DLG2: variants seen among roughly 807,000 people sequenced by gnomAD.
DLG2 encodes discs large MAGUK scaffold protein 2, also known as disks large homolog 2.
In DLG2, 45 loss-of-function variants were observed where a neutral mutation model predicts 132.5. The observed-to-expected ratio is 0.34, with a 90% CI of 0.27 to 0.44. The LOEUF (loss-of-function observed/expected upper bound fraction) is 0.44. DLG2 is among the 20% of genes least tolerant of loss of function. The pLI, the probability that DLG2 is intolerant of heterozygous loss-of-function variation, is 1.00. For synonymous variants in DLG2, 424 were observed against 419.6 expected (o/e 1.01, Z -0.13); for missense variants, 1,045 against 1,196.9 (o/e 0.87, Z 1.87).
At chr11:84,952,622 G>A (rs1039794027) in intron 6 of DLG2, among the ~76,000 whole-genome samples, 2 of 151,768 alleles carry the variant, frequency 1.3e-5, no homozygotes, top group African/African-American at 4.8e-5. Flanking sequence ...GACACATGCA[G>A]GAATTGTGGC....
At chr11:85,110,343 A>G (rs560587) in intron 6 of DLG2, among the ~76,000 whole-genome samples, 104,943 of 151,754 alleles carry the variant, frequency 0.69, 37,219 homozygotes, top group East Asian at 0.95. Context: ...ACTTGAATCC[A>G]GGAGGTGGAG....
intron 6 of DLG2, among the ~76,000 whole-genome samples, chr11:84,547,942 C>G (rs2099393553): frequency 6.6e-6 from 1 of 152,194 alleles, no homozygotes; most frequent in South Asian, 2.1e-4. Context: ...AAGCCTGTCA[C>G]TATTCTACAG....
intron 7 of DLG2, among the ~76,000 whole-genome samples, chr11:84,475,956 T>C (rs61897710): frequency 3.3e-5 from 5 of 152,028 alleles, no homozygotes; most frequent in African/African-American, 4.8e-5. Context: ...TTAAGTCCGA[T>C]TGTATACATC....
intron 6 of DLG2, among the ~76,000 whole-genome samples, chr11:85,041,066 A>G (rs917247282): frequency 6.6e-6 from 1 of 151,844 alleles, no homozygotes; most frequent in African/African-American, 2.4e-5. Flanking sequence ...CAGGGGTCCA[A>G]TTATGCAAGA....
chr11:83,509,874 A>G (rs905925751), intron 21 of DLG2, among the ~76,000 whole-genome samples: 1 of 152,128 alleles, frequency 6.6e-6, no homozygotes, highest in Admixed American at 6.5e-5. Flanking sequence ...CTCTTCATTC[A>G]TCAGTTATTT....
chr11:84,292,428 C>T lies in DLG2; in HGVS notation c.520-41137G>A, dbSNP rs2154376308. On this transcript the variant is annotated intron_variant, in intron 7 of 27. Transcript: ENST00000376104. ...CTGGGAGTCAGCCTGCCTGCTAGAG[C>T]CTAGCATTCCCTTTTCACTGTAAGA... Among the ~76,000 whole-genome samples, 3 of 152,194 alleles carry T rather than the reference C, an allele frequency of 2.0e-5. No individual in the cohort carries two copies. In the South Asian group the frequency reaches 6.2e-4, roughly 32 times the overall value.
intron 6 of DLG2, among the ~76,000 whole-genome samples, chr11:84,991,459 T>C (rs2057093975): frequency 7.2e-6 from 1 of 138,794 alleles, no homozygotes; most frequent in Admixed American, 7.9e-5. Context: ...CAGTGAGCCA[T>C]GATCACACCA....
At chr11:84,678,193 T>C (rs988660320) in intron 6 of DLG2, among the ~76,000 whole-genome samples, 7 of 152,082 alleles carry the variant, frequency 4.6e-5, no homozygotes, top group African/African-American at 1.7e-4. Flanking sequence ...TTCTCTTCCT[T>C]TCTCTCAGAC....
At chr11:83,523,358 C>T (rs1172151503) in intron 21 of DLG2, among the ~76,000 whole-genome samples, 1 of 152,102 alleles carries the variant, frequency 6.6e-6, no homozygotes, top group Admixed American at 6.5e-5. Flanking sequence ...TATACAACTC[C>T]TATTTATATT....
Position 85,450,854 on chromosome 11 carries a change from C to T in DLG2, c.40+147803G>A, listed in dbSNP as rs141029235. Among the ~76,000 whole-genome samples, 274 of 152,094 alleles carry T rather than the reference C, an allele frequency of 1.8e-3. 1 individual carries two copies. Among genetic ancestry groups the T allele is most frequent in the Middle Eastern group, 0.017 (5 of 292 alleles). On this transcript the variant is annotated intron_variant, in intron 3 of 27. Coordinates refer to ENST00000376104, the MANE Select transcript of DLG2 (RefSeq NM_001142699.3). ...AACTCTATATTCTTTTTGTTTCCTC[C>T]TACCCATGTAGCTTTTTTCTGCCTC...
intron 19 of DLG2, among the ~76,000 whole-genome samples, chr11:83,551,256 C>G (rs1010899093): frequency 6.6e-6 from 1 of 152,004 alleles, no homozygotes; most frequent in Non-Finnish European, 1.5e-5. Flanking sequence ...AAATTTTTTC[C>G]CCTGTAAATT....
rs565266596 is a variant in DLG2 at position 84,891,691 on chromosome 11, G to A, written c.357+219970C>T. 1.4e-4 allele frequency among the ~76,000 whole-genome samples: 22 copies of A among 152,236 alleles called. No homozygotes were observed. In the South Asian group the frequency reaches 4.6e-3, roughly 32 times the overall value. ...TTTATCATGGCAACAAGGGTCATTT[G>A]GGCAGATTCCCATAGTAAAAGATTA... On this transcript the variant is annotated intron_variant, in intron 6 of 27. Coordinates refer to ENST00000376104, the MANE Select transcript of DLG2 (RefSeq NM_001142699.3).
At chr11:84,028,061 A>G (rs77531374) in intron 11 of DLG2, among the ~76,000 whole-genome samples, 4 of 151,908 alleles carry the variant, frequency 2.6e-5, no homozygotes, top group African/African-American at 7.3e-5. Context: ...TTAAAAAAAA[A>G]AAAAACAAAA....
At chr11:83,923,779 T>C (rs541768942) in intron 15 of DLG2, among the ~76,000 whole-genome samples, 2 of 152,274 alleles carry the variant, frequency 1.3e-5, no homozygotes, top group East Asian at 3.9e-4. Context: ...TATAATATAA[T>C]ACTAACTAGT....
chr11:85,566,216 A>G (rs552514750), intron 3 of DLG2, among the ~76,000 whole-genome samples: 5 of 152,282 alleles, frequency 3.3e-5, no homozygotes, highest in Non-Finnish European at 5.9e-5. Context: ...ATGTTAATCC[A>G]TAGAATTCTT....
intron 4 of DLG2, among the ~76,000 whole-genome samples, chr11:85,178,236 A>G (rs1243103010): frequency 1.3e-5 from 2 of 152,036 alleles, no homozygotes; most frequent in Non-Finnish European, 2.9e-5. Flanking sequence ...GTTTTAGAAA[A>G]TACACAGTGA....
intron 4 of DLG2, among the ~76,000 whole-genome samples, chr11:85,255,596 T>G (rs539217314): frequency 6.6e-6 from 1 of 152,346 alleles, no homozygotes; most frequent in South Asian, 2.1e-4. Context: ...ATGCCCCTGA[T>G]AAGGCAATCT....
intron 18 of DLG2, among the ~76,000 whole-genome samples, chr11:83,683,853 C>T (rs757177923): frequency 1.3e-5 from 2 of 152,104 alleles, no homozygotes; most frequent in Admixed American, 6.6e-5. Flanking sequence ...GACCTAACAT[C>T]TCTCTACCAG....
chr11:85,445,826 C>T (rs2091983923), intron 3 of DLG2, among the ~76,000 whole-genome samples: 1 of 152,286 alleles, frequency 6.6e-6, no homozygotes, highest in Non-Finnish European at 1.5e-5. Flanking sequence ...ACACAGTGGG[C>T]ACTCTATAAA....
Sources: gnomAD v4.1 joint callset for allele counts (sites outside exome capture counted in the v4.1 genomes callset) on GRCh38, gnomAD v4.1.1 for gene constraint, MANE v1.5 for transcripts, NCBI Gene and HGNC (gene_info 2026-07-23, HGNC 2026-07-21) for gene names.